Variants in HPSE2 observed in about 807,000 individuals in gnomAD.
HPSE2 encodes inactive heparanase-2.
In HPSE2, 38 loss-of-function variants were observed where a neutral mutation model predicts 60.5. That is an observed-to-expected ratio of 0.63 (90% CI 0.48 to 0.82). The LOEUF is 0.82. Ranked by LOEUF, HPSE2 falls within the 40% of genes least tolerant of loss-of-function variation. The pLI is 0.00. For synonymous variants in HPSE2, 295 were observed against 293.2 expected, an observed-to-expected ratio of 1.01 and a Z score of -0.06; for missense variants, 713 against 740.4, an observed-to-expected ratio of 0.96 and a Z score of 0.43.
intron 3 of HPSE2, among the ~76,000 whole-genome samples, chr10:98,948,938 T>C (rs1001539222): frequency 2.0e-5 from 3 of 152,176 alleles, no homozygotes; most frequent in Admixed American, 2.0e-4. Flanking sequence ...ATATAAAATA[T>C]GTGTTAACTG....
At chr10:98,926,953 G>A (rs571503727) in intron 3 of HPSE2, among the ~76,000 whole-genome samples, 89 of 152,294 alleles carry the variant, frequency 5.8e-4, no homozygotes, top group African/African-American at 1.9e-3. Flanking sequence ...GTTCTAGTTC[G>A]ATTGCACTGG....
chr10:98,763,406 A>G (rs1189301158), intron 3 of HPSE2, among the ~76,000 whole-genome samples: 1 of 152,134 alleles, frequency 6.6e-6, no homozygotes, highest in East Asian at 1.9e-4. Context: ...ACCCAGACAC[A>G]TAATCATAAA....
At chr10:99,277,852 C>G in the HPSE2 span, among the ~76,000 whole-genome samples, 1 of 152,050 alleles carries the variant, frequency 6.6e-6, no homozygotes, top group Non-Finnish European at 1.5e-5. Context: ...AATCCCAGCA[C>G]TTTGGGAGGC....
At chr10:99,082,041 C>T (rs189298547) in intron 3 of HPSE2, among the ~76,000 whole-genome samples, 78 of 152,234 alleles carry the variant, frequency 5.1e-4, no homozygotes, top group African/African-American at 1.7e-3. Context: ...AATTGTACCA[C>T]GGTTAATCCT....
At chr10:99,236,591 G>A (rs1849862185), upstream of HPSE2, among the ~76,000 whole-genome samples, 1 of 152,130 alleles carries the variant, frequency 6.6e-6, no homozygotes, top group Admixed American at 6.5e-5. Flanking sequence ...TCTGTGACGC[G>A]TTGGATAGCC....
intron 5 of HPSE2, among the ~76,000 whole-genome samples, chr10:98,695,079 G>A (rs764209838): frequency 6.6e-6 from 1 of 152,210 alleles, no homozygotes; most frequent in East Asian, 1.9e-4. Flanking sequence ...CCTAAACAGA[G>A]GCTCTGATTT....
At chr10:99,076,127 CCT>C (rs1185969123) in intron 3 of HPSE2, among the ~76,000 whole-genome samples, 6 of 151,646 alleles carry the variant, frequency 4.0e-5, no homozygotes, top group African/African-American at 1.5e-4. Context: ...TCCCTCTTCT[CCT>C]CTCTTGCTGT....
chr10:98,949,021 G>T (rs920597459), intron 3 of HPSE2, among the ~76,000 whole-genome samples: 2 of 152,082 alleles, frequency 1.3e-5, no homozygotes, highest in African/African-American at 4.8e-5. Flanking sequence ...GAAGTCAAAA[G>T]TTATGTGCAA....
intron 3 of HPSE2, chr10:99,013,932 C>T (rs1194620154): frequency 7.0e-6 from 3 of 431,112 alleles, no homozygotes; most frequent in Non-Finnish European, 9.6e-6. Context: ...GTCTCCATAT[C>T]CTGGTGAAGA....
At chr10:98,761,700 C>G (rs1554987585) in intron 3 of HPSE2, among the ~76,000 whole-genome samples, 2 of 152,062 alleles carry the variant, frequency 1.3e-5, no homozygotes, top group Non-Finnish European at 2.9e-5. Flanking sequence ...ATACAAATGG[C>G]AATGACCTAA....
intron 9 of HPSE2, among the ~76,000 whole-genome samples, chr10:98,511,626 T>C (rs1231944251): frequency 7.5e-6 from 1 of 132,762 alleles, no homozygotes; most frequent in Admixed American, 7.9e-5. Flanking sequence ...ACGTGTGTGT[T>C]GGGAAGGTTC....
At chr10:99,149,260 G>A (rs1444290140) in intron 2 of HPSE2, among the ~76,000 whole-genome samples, 2 of 152,162 alleles carry the variant, frequency 1.3e-5, no homozygotes, top group Admixed American at 6.5e-5. Context: ...TCATGAAGGA[G>A]TAAGTTTCCC....
At chr10:99,164,074 A>C (rs1846956693) in intron 2 of HPSE2, among the ~76,000 whole-genome samples, 1 of 151,308 alleles carries the variant, frequency 6.6e-6, no homozygotes. Context: ...ACTTTTGCCC[A>C]CTAATTTTAG....
chr10:98,651,902 G>T (rs1428851659), intron 6 of HPSE2, among the ~76,000 whole-genome samples: 1 of 151,894 alleles, frequency 6.6e-6, no homozygotes, highest in Non-Finnish European at 1.5e-5. Flanking sequence ...CTCCCGAGTG[G>T]CTGGGATTAC....
At chr10:98,575,538 C>T (rs369695404) in intron 9 of HPSE2, among the ~76,000 whole-genome samples, 1 of 152,132 alleles carries the variant, frequency 6.6e-6, no homozygotes, top group Non-Finnish European at 1.5e-5. Context: ...TTACTATGTG[C>T]CAAGCACTAT....
intron 5 of HPSE2, among the ~76,000 whole-genome samples, chr10:98,696,740 G>A (rs1948231284): frequency 6.6e-6 from 1 of 152,162 alleles, no homozygotes; most frequent in Non-Finnish European, 1.5e-5. Flanking sequence ...TAGGGGAGGG[G>A]CGACAGCCAA....
At chr10:98,792,754 C>T (rs1321194649) in intron 3 of HPSE2, among the ~76,000 whole-genome samples, 4 of 152,020 alleles carry the variant, frequency 2.6e-5, no homozygotes, top group African/African-American at 4.8e-5. Context: ...TATATAGTTC[C>T]AAAGTCTTGC....
the HPSE2 span, among the ~76,000 whole-genome samples, chr10:99,305,431 A>G: frequency 6.6e-6 from 1 of 152,240 alleles, no homozygotes; most frequent in African/African-American, 2.4e-5. Context: ...CTTGACCTAA[A>G]TAAGTGCATA....
chr10:99,176,096 C>G (rs1847515695), intron 2 of HPSE2, among the ~76,000 whole-genome samples: 1 of 152,126 alleles, frequency 6.6e-6, no homozygotes, highest in Admixed American at 6.5e-5. Flanking sequence ...AGGACATCCA[C>G]ACAAAAACCC....
Sources: allele counts gnomAD v4.1 joint callset (sites outside exome capture counted in the v4.1 genomes callset), GRCh38; gene constraint gnomAD v4.1.1; transcripts MANE v1.5; gene names NCBI Gene and HGNC (gene_info 2026-07-23, HGNC 2026-07-21).